Variants in ATP10A observed in about 807,000 individuals in gnomAD.
ATP10A encodes the protein ATPase phospholipid transporting 10A (putative), also known as phospholipid-transporting ATPase VA.
ATP10A carries 111 observed loss-of-function variants against 147.8 expected under a neutral mutation model. That is an observed-to-expected ratio of 0.75 (90% CI 0.64 to 0.88). The LOEUF (loss-of-function observed/expected upper bound fraction) is 0.88. ATP10A is among the 40% of genes least tolerant of loss of function. The pLI, the probability that ATP10A is intolerant of heterozygous loss-of-function variation, is 0.00. For missense variants in ATP10A, 1,927 were observed against 1,959.0 expected (o/e 0.98, Z 0.31); for synonymous variants, 875 against 841.6 (o/e 1.04, Z -0.69).
rs932661966 is a variant in ATP10A, at chr15:25,716,998, G to A, written c.1582-74C>T. Reference sequence around the variant, plus strand: ...GGATCTTGGGGCGTGACTATTTAAGGTACTTTGATTTTATTATAAGCTGTA... The same window carrying A: ...GGATCTTGGGGCGTGACTATTTAAGATACTTTGATTTTATTATAAGCTGTA... On this transcript the variant is annotated intron_variant, in intron 8 of 20. Transcript: ENST00000555815. 6 of 1,248,002 alleles carry A rather than the reference G, an allele frequency of 4.8e-6. No homozygotes were observed. In the African/African-American group the frequency reaches 7.7e-5, roughly 16 times the overall value. The allele number at this position is 1,248,002 out of a possible 1,614,324, so 77.3% of individuals were successfully genotyped here.
At position 25,714,093 on chromosome 15, in the gene ATP10A, G is replaced by C. The variant is rs1212939864; in HGVS notation, c.1925C>G (p.Pro642Arg). Reference sequence around the variant, plus strand: ...CATGCCGTCGCTGGACGGGGTGGACGGGAAGCTGGAGCCCAACTTGTGGCT... The same window carrying C: ...CATGCCGTCGCTGGACGGGGTGGACCGGAAGCTGGAGCCCAACTTGTGGCT... ...KSSHKLGSSF[P>R]STPSSDGMLL... The change falls in exon 10 of 21, where the codon CCG (proline) becomes CGG (arginine). Residue 642 changes from proline to arginine, a missense_variant. Coordinates refer to ENST00000555815, the MANE Select transcript of ATP10A (RefSeq NM_024490.4). 4 of 1,613,184 alleles carry C rather than the reference G, an allele frequency of 2.5e-6. No individual in the cohort carries two copies. Among genetic ancestry groups the C allele is most frequent in the Non-Finnish European group, 3.4e-6 (4 of 1,180,040 alleles).
intron 2 of ATP10A, among the ~76,000 whole-genome samples, chr15:25,739,316 T>A (rs1362483679): frequency 6.6e-6 from 1 of 152,202 alleles, no homozygotes; most frequent in East Asian, 1.9e-4. Context: ...CATACCTTAA[T>A]CTGATCATAG....
chr15:25,860,643 C>A (rs1477721992), intron 1 of ATP10A, among the ~76,000 whole-genome samples: 1 of 152,152 alleles, frequency 6.6e-6, no homozygotes. Flanking sequence ...GTTAAGATAT[C>A]TGGAGTCAAG....
intron 1 of ATP10A, among the ~76,000 whole-genome samples, chr15:25,843,190 G>A (rs1420099724): frequency 6.6e-6 from 1 of 151,892 alleles, no homozygotes; most frequent in African/African-American, 2.4e-5. Flanking sequence ...GGGCTGCCAT[G>A]AACCCTAGGA....
intron 2 of ATP10A, among the ~76,000 whole-genome samples, chr15:25,767,164 G>A (rs1349162763): frequency 6.6e-6 from 1 of 152,190 alleles, no homozygotes; most frequent in Admixed American, 6.5e-5. Flanking sequence ...ACCGCTGCAG[G>A]CCTTTCAGCC....
intron 3 of ATP10A, among the ~76,000 whole-genome samples, chr15:25,727,932 C>T (rs7178019): frequency 0.014 from 2,123 of 152,248 alleles, 52 homozygotes; most frequent in African/African-American, 0.047. Flanking sequence ...GGGCTAGGAC[C>T]GCCCTGGGAC....
upstream of ATP10A, among the ~76,000 whole-genome samples, chr15:25,864,505 A>G (rs1893908383): frequency 6.6e-6 from 1 of 152,010 alleles, no homozygotes; most frequent in South Asian, 2.1e-4. Flanking sequence ...CCCCTCCAGC[A>G]CCCTGGCTTA....
chr15:25,741,609 T>C (rs1022337253), intron 2 of ATP10A, among the ~76,000 whole-genome samples: 7 of 152,234 alleles, frequency 4.6e-5, no homozygotes, highest in African/African-American at 1.7e-4. Flanking sequence ...ACTATTATTA[T>C]TATTTTGTAT....
At chr15:25,838,316 C>T (rs777787125) in intron 1 of ATP10A, among the ~76,000 whole-genome samples, 1 of 152,164 alleles carries the variant, frequency 6.6e-6, no homozygotes, top group Non-Finnish European at 1.5e-5. Flanking sequence ...AGGTGACTTG[C>T]CTGCACCTGG....
chr15:25,741,304 A>G (rs1316018257), intron 2 of ATP10A, among the ~76,000 whole-genome samples: 1 of 150,758 alleles, frequency 6.6e-6, no homozygotes, highest in Non-Finnish European at 1.5e-5. Context: ...TCACCCCAGA[A>G]CTCCGTGCTG....
At chr15:25,844,907 T>C (rs538078923) in intron 1 of ATP10A, among the ~76,000 whole-genome samples, 4 of 152,342 alleles carry the variant, frequency 2.6e-5, no homozygotes, top group Admixed American at 1.3e-4. Flanking sequence ...CTGTTCTCCC[T>C]GTCCCTCCCA....
intron 1 of ATP10A, chr15:25,861,868 G>C (rs747320601): frequency 4.2e-5 from 7 of 166,418 alleles, no homozygotes; most frequent in South Asian, 1.4e-4. Context: ...CTGGGGTGGA[G>C]AGCATAAAGG....
At position 25,724,106 on chromosome 15, in the gene ATP10A, A is replaced by G. The variant is rs1429128487; in HGVS notation, c.980-85T>C. Reference sequence around the variant, plus strand: ...GCGTATATTAAAGCAAAACTTTAATATTTGTTACCTGATGCAAGCACATTT... The same window carrying G: ...GCGTATATTAAAGCAAAACTTTAATGTTTGTTACCTGATGCAAGCACATTT... On this transcript the variant is annotated intron_variant, in intron 5 of 20. Transcript: ENST00000555815. The G allele has an allele frequency of 1.6e-5, 21 of 1,320,054 alleles. No homozygotes were observed. The East Asian group carries it at 5.1e-4, about 32-fold the overall frequency. The allele number at this position is 1,320,054 out of a possible 1,614,324, so 81.8% of individuals were successfully genotyped here. A position where few individuals can be genotyped will look rare whatever the true frequency, so the allele number is the denominator to read the frequency against.
chr15:25,781,256 G>T, intron 1 of ATP10A, 33 bp from the exon 2 acceptor site: 2 of 1,574,950 alleles, frequency 1.3e-6, no homozygotes, highest in East Asian at 2.3e-5. Flanking sequence ...CAAAACTCAC[G>T]AGACATTGGT....
At chr15:25,763,831 C>T (rs904253388) in intron 2 of ATP10A, among the ~76,000 whole-genome samples, 4 of 152,170 alleles carry the variant, frequency 2.6e-5, no homozygotes, top group Non-Finnish European at 5.9e-5. Context: ...TATAGGAGAA[C>T]ACCGTTTCAT....
At chr15:25,753,091 G>T (rs1049959761) in intron 2 of ATP10A, among the ~76,000 whole-genome samples, 1 of 152,120 alleles carries the variant, frequency 6.6e-6, no homozygotes, top group African/African-American at 2.4e-5. Flanking sequence ...CGATTTTGTG[G>T]TAAGAACGTT....
At chr15:25,833,299 T>C (rs1219447828) in intron 1 of ATP10A, among the ~76,000 whole-genome samples, 1 of 152,150 alleles carries the variant, frequency 6.6e-6, no homozygotes, top group East Asian at 1.9e-4. Flanking sequence ...TTTTTATTTT[T>C]ATCTTTAATT....
At position 25,713,656 on chromosome 15, in the gene ATP10A, G is replaced by A. The variant is rs1226376162; in HGVS notation, c.2344+18C>T. 6.2e-7 allele frequency: 1 copy of A among 1,610,958 alleles called. No individual in the cohort carries two copies. Among genetic ancestry groups the A allele is most frequent in the Non-Finnish European group, 8.5e-7 (1 of 1,178,580 alleles). ...TCCTCCCCCGAGCTGGGGTGCAGCT[G>A]GGCAGGGGTGGGAGTACCTGAAGAG... On this transcript the variant is annotated intron_variant, in intron 10 of 20. Coordinates refer to ENST00000555815, the MANE Select transcript of ATP10A (RefSeq NM_024490.4).
In ATP10A at chr15:25,679,578, G is replaced by A; in HGVS notation, c.4263C>T (p.Gly1421=). Residue 1421 remains glycine, a synonymous_variant, in exon 21 of 21, where the codon GGC becomes GGT. Transcript: ENST00000555815. ...EESKVRAAST[G]RVTPLSSLFS... is the part of the protein sequence containing the mutation. ...AGAGGGAAGACAGGGGGGTCACCCT[G>A]CCGGTGCTGGCAGCTCTCACCTTGG... The A allele has an allele frequency of 6.2e-7, 1 of 1,610,648 alleles. No homozygotes were observed. The highest frequency in any genetic ancestry group is 8.5e-7 in the Non-Finnish European group (1 of 1,177,462).
Sources: gnomAD v4.1 joint callset for allele counts (sites outside exome capture counted in the v4.1 genomes callset) on GRCh38, gnomAD v4.1.1 for gene constraint, MANE v1.5 for transcripts, NCBI Gene and HGNC (gene_info 2026-07-23, HGNC 2026-07-21) for gene names.